The following CALCRL variants were observed in gnomAD, a reference collection of about 807,000 sequenced individuals.
CALCRL encodes the protein calcitonin receptor like receptor.
In CALCRL, 27 loss-of-function variants were observed where a neutral mutation model predicts 60.4. The observed-to-expected ratio is 0.45, with a 90% CI of 0.33 to 0.62. The LOEUF is 0.62. Among genes scored for constraint, CALCRL ranks in the 20% least tolerant of loss-of-function variants. CALCRL has a pLI of 0.03. For synonymous variants in CALCRL, 190 were observed against 182.6 expected (o/e 1.04, Z -0.33); for missense variants, 424 against 540.7 (o/e 0.78, Z 2.14).
intron 13 of CALCRL, 71 bp downstream of exon 13, chr2:187,352,043 G>A: frequency 6.5e-7 from 1 of 1,533,828 alleles, no homozygotes; most frequent in South Asian, 1.1e-5. Flanking sequence ...AAGTAGTCAG[G>A]AGTAAACCAA....
chr2:187,371,544 T>C (rs1440497194), intron 8 of CALCRL, among the ~76,000 whole-genome samples: 5 of 152,092 alleles, frequency 3.3e-5, no homozygotes, highest in Non-Finnish European at 7.4e-5. Flanking sequence ...ATCAGAGTAA[T>C]TAGTAGAGCA....
chr2:187,446,753 G>C (rs1200223695), intron 1 of CALCRL, among the ~76,000 whole-genome samples: 1 of 151,682 alleles, frequency 6.6e-6, no homozygotes, highest in African/African-American at 2.4e-5. Flanking sequence ...AGAGAAATCA[G>C]CCATGATACT....
intron 8 of CALCRL, among the ~76,000 whole-genome samples, chr2:187,378,168 A>G (rs1687843942): frequency 6.6e-6 from 1 of 152,036 alleles, no homozygotes; most frequent in Admixed American, 6.6e-5. Context: ...AAGGAGCAGC[A>G]GTGGCGGTGG....
rs578102269 is a variant in CALCRL at position 187,398,713 on chromosome 2, G to A, written c.-292-10957C>T. 2.0e-3 allele frequency among the ~76,000 whole-genome samples: 298 copies of A among 151,636 alleles called. 1 individual carries two copies. Among genetic ancestry groups the A allele is most frequent in the Admixed American group, 2.8e-3 (42 of 15,164 alleles). ...CCAACACCACTGGAATTCTCCCTGG[G>A]ACATTTGTATTGTTGTTATTAGGGA... On this transcript the variant is annotated intron_variant, in intron 1 of 14. Coordinates refer to ENST00000392370, the MANE Select transcript of CALCRL (RefSeq NM_005795.6).
At chr2:187,418,931 C>A (rs1367254176) in intron 1 of CALCRL, among the ~76,000 whole-genome samples, 1 of 147,568 alleles carries the variant, frequency 6.8e-6, no homozygotes, top group Non-Finnish European at 1.5e-5. Context: ...TCTCGGCTCA[C>A]TGCAACCTCC....
chr2:187,355,489 G>A (rs1686729965), intron 12 of CALCRL, among the ~76,000 whole-genome samples: 1 of 152,052 alleles, frequency 6.6e-6, no homozygotes, highest in Non-Finnish European at 1.5e-5. Context: ...TACATTTTGA[G>A]AATGGTTTGA....
chr2:187,440,672 G>C (rs556149447), intron 1 of CALCRL, among the ~76,000 whole-genome samples: 28 of 152,158 alleles, frequency 1.8e-4, no homozygotes, highest in African/African-American at 6.3e-4. Context: ...TTTGAAGAAT[G>C]CTTGTGTTAT....
At chr2:187,411,978 C>CAAAAA (rs56075258) in intron 1 of CALCRL, among the ~76,000 whole-genome samples, 6 of 61,470 alleles carry the variant, frequency 9.8e-5, no homozygotes, top group Non-Finnish European at 1.6e-4. Context: ...GACTCTGTCT[C>CAAAAA]AAAAAAAAAA....
At chr2:187,403,813 G>A (rs912150683) in intron 1 of CALCRL, among the ~76,000 whole-genome samples, 9 of 151,730 alleles carry the variant, frequency 5.9e-5, no homozygotes, top group African/African-American at 1.9e-4. Context: ...CATACCAAAC[G>A]CAGCTTATTT....
At chr2:187,399,150 C>A (rs1042061333) in intron 1 of CALCRL, among the ~76,000 whole-genome samples, 1 of 151,546 alleles carries the variant, frequency 6.6e-6, no homozygotes, top group Non-Finnish European at 1.5e-5. Context: ...ACCTTTTCAT[C>A]TTGTAATGTA....
chr2:187,381,505 G>T (rs989676020), intron 5 of CALCRL, among the ~76,000 whole-genome samples: 4 of 151,914 alleles, frequency 2.6e-5, no homozygotes, highest in African/African-American at 9.7e-5. Flanking sequence ...TCGCCAGCTG[G>T]AGTGCAGTGG....
intron 1 of CALCRL, among the ~76,000 whole-genome samples, chr2:187,442,521 T>C (rs1306360039): frequency 6.6e-6 from 1 of 151,870 alleles, no homozygotes; most frequent in Non-Finnish European, 1.5e-5. Flanking sequence ...AGGCACTCTT[T>C]CTTTGTATTT....
At position 187,352,265 on chromosome 2, in the gene CALCRL, G is replaced by A. The variant is rs1361231858; in HGVS notation, c.977C>T (p.Ala326Val). The A allele has an allele frequency of 1.1e-5, 18 of 1,611,998 alleles. No homozygotes were observed. The highest frequency in any genetic ancestry group is 1.6e-4 in the Middle Eastern group (1 of 6,076). ...LITKLKVTHQ[A>V]ESNLYMKAVR... ...AGCTTTCATGTACAGATTGGATTCCGCTTGGTGTGTAACTTTTAACTTGGT... is the reference window on the plus strand; with the variant it reads ...AGCTTTCATGTACAGATTGGATTCCACTTGGTGTGTAACTTTTAACTTGGT... The change falls in exon 13 of 15, where the codon GCG becomes GTG. Residue 326 changes from alanine (A) to valine (V), a missense_variant. Ala to Val is a moderately conservative substitution (Grantham distance 64). This residue lies in a region of CALCRL where 222 missense variants were observed against 265.6 expected (regional missense o/e 0.84). Coordinates refer to ENST00000392370, the MANE Select transcript of CALCRL (RefSeq NM_005795.6).
Position 187,363,579 on chromosome 2 carries a change from C to T in CALCRL, c.501-77G>A, listed in dbSNP as rs1040914841. ...AATCATTATTCAAATAAGATACATT[C>T]CCAATTCATAGCAGCTGATCCACTT... is the stretch of plus-strand genomic sequence containing the variant. On this transcript the variant is annotated intron_variant, in intron 8 of 14. Transcript: ENST00000392370. 13 of 1,353,558 alleles carry T rather than the reference C, an allele frequency of 9.6e-6. No homozygotes were observed. In the Admixed American group the frequency reaches 2.7e-4, roughly 28 times the overall value. 83.8% of individuals were successfully genotyped at this position (1,353,558 alleles called of 1,614,324 possible). A position where few individuals can be genotyped will look rare whatever the true frequency, so the allele number is the denominator to read the frequency against.
chr2:187,413,809 T>C (rs558049879), intron 1 of CALCRL, among the ~76,000 whole-genome samples: 2 of 152,262 alleles, frequency 1.3e-5, no homozygotes, highest in African/African-American at 4.8e-5. Context: ...GTGAGAGTTA[T>C]TTGGCATTTG....
chr2:187,429,442 A>G (rs1383102860), intron 1 of CALCRL, among the ~76,000 whole-genome samples: 1 of 152,168 alleles, frequency 6.6e-6, no homozygotes, highest in Non-Finnish European at 1.5e-5. Context: ...CAGTTTAGAG[A>G]CAGAAATTAG....
intron 12 of CALCRL, among the ~76,000 whole-genome samples, chr2:187,357,347 T>TAGG (rs1216666555): frequency 1.3e-5 from 2 of 151,982 alleles, no homozygotes; most frequent in Non-Finnish European, 2.9e-5. Context: ...ATTCATGTCC[T>TAGG]ATGCAGGGAC....
chr2:187,383,637 C>T (rs1438099504), intron 4 of CALCRL, among the ~76,000 whole-genome samples: 3 of 152,024 alleles, frequency 2.0e-5, no homozygotes, highest in Admixed American at 1.3e-4. Flanking sequence ...CAATCTGACC[C>T]GAATGTTTTT....
chr2:187,380,421 TA>T, intron 7 of CALCRL, 45 bp downstream of exon 7: 1 of 1,127,470 alleles, frequency 8.9e-7, no homozygotes. Flanking sequence ...AGGAGCTGTT[TA>T]AACAGATACT....
Sources: allele counts gnomAD v4.1 joint callset (sites outside exome capture counted in the v4.1 genomes callset), GRCh38; gene constraint gnomAD v4.1.1; regional missense constraint gnomAD v4.1.1; transcripts MANE v1.5; gene names NCBI Gene and HGNC (gene_info 2026-07-23, HGNC 2026-07-21).